The following PDE4D variants were observed in gnomAD, a reference collection of about 807,000 sequenced individuals.
PDE4D encodes 3',5'-cyclic-AMP phosphodiesterase 4D.
Under a neutral mutation model 87.4 loss-of-function variants are expected in PDE4D, and 24 were observed. That is an observed-to-expected ratio of 0.27 (90% confidence interval 0.20 to 0.39). The LOEUF (loss-of-function observed/expected upper bound fraction) is 0.39, where lower values mean the gene tolerates loss of function less well. Among genes scored for constraint, PDE4D ranks in the 10% least tolerant of loss-of-function variants. The pLI is 1.00. For missense variants in PDE4D, 714 were observed against 1,041.0 expected (o/e 0.69, Z 4.32); for synonymous variants, 384 against 383.2 (o/e 1.00, Z -0.02).
intron 1 of PDE4D, among the ~76,000 whole-genome samples, chr5:59,364,838 C>T (rs1417336008): frequency 6.6e-6 from 1 of 151,956 alleles, no homozygotes; most frequent in Non-Finnish European, 1.5e-5. Flanking sequence ...CTTGCCCACC[C>T]ACCTACCTTC....
At chr5:59,388,469 C>T (rs1369500958) in intron 1 of PDE4D, among the ~76,000 whole-genome samples, 1 of 151,984 alleles carries the variant, frequency 6.6e-6, no homozygotes, top group East Asian at 1.9e-4. Flanking sequence ...CCATATTATC[C>T]AGCAGTTTCA....
Position 60,184,499 on chromosome 5 carries a change from AAC to A in PDE4D, c.42+1056_42+1057del, listed in dbSNP as rs1210460397. On this transcript the variant is annotated intron_variant, in intron 2 of 16. Transcript: ENST00000502484. The stretch of plus-strand genomic sequence containing the variant: ...CATACAACCAAACACCAACCAGTAA[AAC>A]ACATAAATTTGAACAATTCCTCAGA... 2.6e-5 allele frequency among the ~76,000 whole-genome samples: 4 copies of A among 152,290 alleles called. No homozygotes were observed. In the East Asian group the frequency reaches 5.8e-4, roughly 22 times the overall value.
At chr5:60,258,030 C>T (rs1358178357) in intron 1 of PDE4D, among the ~76,000 whole-genome samples, 1 of 151,930 alleles carries the variant, frequency 6.6e-6, no homozygotes, top group Non-Finnish European at 1.5e-5. Context: ...AAGAATGAAG[C>T]CTGCCACACA....
intron 5 of PDE4D, among the ~76,000 whole-genome samples, chr5:59,076,500 G>A (rs1385836167): frequency 6.6e-6 from 1 of 152,118 alleles, no homozygotes; most frequent in Non-Finnish European, 1.5e-5. Flanking sequence ...TGGAATGTGA[G>A]GAACGCCCAG....
intron 1 of PDE4D, among the ~76,000 whole-genome samples, chr5:59,807,440 C>T (rs1767864896): frequency 6.6e-6 from 1 of 152,088 alleles, no homozygotes. Flanking sequence ...GGGGTGGCTA[C>T]ATATGTAGTA....
At chr5:60,360,063 AC>A (rs1268354220) in intron 1 of PDE4D, among the ~76,000 whole-genome samples, 22 of 152,100 alleles carry the variant, frequency 1.4e-4, no homozygotes, top group African/African-American at 5.3e-4. Context: ...CCCAACAAGA[AC>A]CTTGTTGTTG....
intron 5 of PDE4D, among the ~76,000 whole-genome samples, chr5:59,134,403 C>T (rs532590606): frequency 1.3e-5 from 2 of 151,918 alleles, no homozygotes; most frequent in African/African-American, 2.4e-5. Flanking sequence ...TTTTGTTCCA[C>T]AGAGTCCAAT....
At chr5:59,921,665 A>G (rs1421644941) in intron 3 of PDE4D, among the ~76,000 whole-genome samples, 1 of 152,222 alleles carries the variant, frequency 6.6e-6, no homozygotes, top group Non-Finnish European at 1.5e-5. Context: ...TTCAAAGGAC[A>G]TCCAGAATTC....
At chr5:59,140,726 T>C (rs1425951795) in intron 5 of PDE4D, among the ~76,000 whole-genome samples, 1 of 152,212 alleles carries the variant, frequency 6.6e-6, no homozygotes, top group East Asian at 1.9e-4. Context: ...TACAAGTGAT[T>C]GTACCAGAGG....
intron 1 of PDE4D, among the ~76,000 whole-genome samples, chr5:59,449,774 GA>G (rs367585671): frequency 1.1e-4 from 16 of 147,498 alleles, no homozygotes; most frequent in South Asian, 2.2e-4. Context: ...AGAGTGGCAG[GA>G]AAAAAAAAAC....
chr5:60,146,915 A>C (rs1262534581), intron 2 of PDE4D, among the ~76,000 whole-genome samples: 1 of 152,204 alleles, frequency 6.6e-6, no homozygotes. Flanking sequence ...TCAAAACCAC[A>C]ATATCACCTC....
At chr5:59,352,503 T>A (rs1305258865) in intron 1 of PDE4D, among the ~76,000 whole-genome samples, 2 of 152,158 alleles carry the variant, frequency 1.3e-5, no homozygotes, top group African/African-American at 2.4e-5. Flanking sequence ...CTTTTTCTAA[T>A]GGGAATTGTG....
At chr5:60,475,823 G>GAAAAAAAAAAA (rs397792795) in intron 1 of PDE4D, among the ~76,000 whole-genome samples, 1 of 95,060 alleles carries the variant, frequency 1.1e-5, no homozygotes, top group Non-Finnish European at 2.2e-5. Context: ...TCTGTTAAAT[G>GAAAAAAAAAAA]AAAAAAAAAA....
intron 1 of PDE4D, among the ~76,000 whole-genome samples, chr5:60,293,911 AT>A (rs1284812626): frequency 1.1e-4 from 16 of 152,230 alleles, no homozygotes; most frequent in African/African-American, 3.6e-4. Flanking sequence ...GTATGATATA[AT>A]TTTTTATGTG....
intron 1 of PDE4D, among the ~76,000 whole-genome samples, chr5:60,327,722 AG>A (rs1756929691): frequency 6.6e-6 from 1 of 152,246 alleles, no homozygotes; most frequent in Non-Finnish European, 1.5e-5. Context: ...TTCCATCAAC[AG>A]AAGAATGCAT....
chr5:59,752,942 AG>A (rs1264851436), intron 1 of PDE4D, among the ~76,000 whole-genome samples: 3 of 152,216 alleles, frequency 2.0e-5, no homozygotes, highest in African/African-American at 7.2e-5. Context: ...AATTACGGCC[AG>A]TGGGCGAAAT....
intron 5 of PDE4D, among the ~76,000 whole-genome samples, chr5:59,151,018 C>A (rs570110502): frequency 2.0e-4 from 30 of 152,184 alleles, no homozygotes; most frequent in African/African-American, 7.2e-4. Context: ...TTACTACAAG[C>A]AAAAGAAGAA....
At chr5:60,129,889 GAA>G (rs1215780238) in intron 2 of PDE4D, among the ~76,000 whole-genome samples, 1 of 152,170 alleles carries the variant, frequency 6.6e-6, no homozygotes. Flanking sequence ...GCTGCAGCCT[GAA>G]TGTATTCCCC....
chr5:59,820,362 T>A (rs562474620), intron 1 of PDE4D, among the ~76,000 whole-genome samples: 1 of 152,356 alleles, frequency 6.6e-6, no homozygotes, highest in East Asian at 1.9e-4. Context: ...TCAGGACAAG[T>A]CAGCTCAGAT....
Sources: gnomAD v4.1 joint callset for allele counts (sites outside exome capture counted in the v4.1 genomes callset) on GRCh38, gnomAD v4.1.1 for gene constraint, MANE v1.5 for transcripts, NCBI Gene and HGNC (gene_info 2026-07-23, HGNC 2026-07-21) for gene names.